Variants in SCHIP1 observed in about 807,000 individuals in gnomAD.
SCHIP1 encodes schwannomin interacting protein 1, also known as schwannomin-interacting protein 1.
In SCHIP1, 8 loss-of-function variants were observed where a neutral mutation model predicts 29.7. The ratio of observed to expected loss-of-function variants is 0.27; its 90% confidence interval spans 0.16 to 0.49. The LOEUF is 0.49. Among genes scored for constraint, SCHIP1 ranks in the 20% least tolerant of loss-of-function variants. The pLI is 0.99. For synonymous variants in SCHIP1, 76 were observed against 94.9 expected, an observed-to-expected ratio of 0.80 and a Z score of 1.16; for missense variants, 193 against 294.6, an observed-to-expected ratio of 0.66 and a Z score of 2.52.
chr3:159,825,317 C>A, the SCHIP1 span, among the ~76,000 whole-genome samples: 3 of 152,148 alleles, frequency 2.0e-5, no homozygotes, highest in Non-Finnish European at 4.4e-5. Context: ...TCAAGTGCAG[C>A]TGGCAGAGTC....
At chr3:159,484,247 T>C in the SCHIP1 span, among the ~76,000 whole-genome samples, 1 of 152,238 alleles carries the variant, frequency 6.6e-6, no homozygotes, top group Non-Finnish European at 1.5e-5. Context: ...AAACATTTAA[T>C]ACAAATGAAA....
intron 1 of SCHIP1, among the ~76,000 whole-genome samples, chr3:159,857,527 C>T (rs961497222): frequency 6.6e-6 from 1 of 152,124 alleles, no homozygotes; most frequent in African/African-American, 2.4e-5. Flanking sequence ...CTGTGCACAT[C>T]GTCTAATTCC....
the SCHIP1 span, among the ~76,000 whole-genome samples, chr3:159,652,568 G>A: frequency 6.6e-6 from 1 of 152,152 alleles, no homozygotes; most frequent in Non-Finnish European, 1.5e-5. Context: ...AAGCGGATAT[G>A]TAAACAAGAC....
chr3:159,389,667 CAG>C, the SCHIP1 span, among the ~76,000 whole-genome samples: 1 of 151,900 alleles, frequency 6.6e-6, no homozygotes, highest in Non-Finnish European at 1.5e-5. Context: ...AAGAATAAGA[CAG>C]AGAAATGTGA....
At chr3:159,686,843 A>T in the SCHIP1 span, among the ~76,000 whole-genome samples, 1 of 151,568 alleles carries the variant, frequency 6.6e-6, no homozygotes, top group Non-Finnish European at 1.5e-5. Context: ...CTTAGTAGGC[A>T]GTAACTTAGA....
At chr3:159,628,209 G>C in the SCHIP1 span, among the ~76,000 whole-genome samples, 1 of 152,248 alleles carries the variant, frequency 6.6e-6, no homozygotes, top group South Asian at 2.1e-4. Flanking sequence ...ACTTACACTA[G>C]AGACCTACAC....
chr3:159,481,886 C>G, the SCHIP1 span, among the ~76,000 whole-genome samples: 2 of 152,208 alleles, frequency 1.3e-5, no homozygotes, highest in East Asian at 3.9e-4. Context: ...CAGAGAATTT[C>G]AGAAAATCGG....
At chr3:159,483,556 A>T in the SCHIP1 span, among the ~76,000 whole-genome samples, 1 of 152,184 alleles carries the variant, frequency 6.6e-6, no homozygotes, top group Non-Finnish European at 1.5e-5. Flanking sequence ...AATACTTTTG[A>T]TTTGGAGATA....
the SCHIP1 span, among the ~76,000 whole-genome samples, chr3:159,292,149 C>T: frequency 6.6e-6 from 1 of 151,636 alleles, no homozygotes; most frequent in Non-Finnish European, 1.5e-5. Flanking sequence ...GTAAAATAAC[C>T]TGATATCTGG....
chr3:159,537,373 T>C, the SCHIP1 span, among the ~76,000 whole-genome samples: 85 of 152,188 alleles, frequency 5.6e-4, no homozygotes, highest in Non-Finnish European at 8.8e-5. Flanking sequence ...TCTCAGGGCC[T>C]CTGAGGATTA....
chr3:159,768,757 C>T, the SCHIP1 span: 1 of 152,372 alleles, frequency 6.6e-6, no homozygotes, highest in Non-Finnish European at 1.5e-5. Flanking sequence ...CAAGACAGAC[C>T]TCCAGCACCT....
At chr3:159,651,797 C>T in the SCHIP1 span, among the ~76,000 whole-genome samples, 3 of 152,186 alleles carry the variant, frequency 2.0e-5, no homozygotes, top group South Asian at 4.1e-4. Flanking sequence ...CAAAATATTA[C>T]CATAAGTATA....
At chr3:159,840,036 G>A in exon 1 of SCHIP1, 1 of 1,471,800 alleles carries the variant, frequency 6.8e-7, no homozygotes, top group Non-Finnish European at 8.9e-7. Context: ...TGCGCAGGTT[G>A]ATCAGCGAAA....
At chr3:159,381,662 C>A in the SCHIP1 span, among the ~76,000 whole-genome samples, 3 of 151,834 alleles carry the variant, frequency 2.0e-5, no homozygotes, top group Non-Finnish European at 4.4e-5. Flanking sequence ...GTGGCATGAT[C>A]TTGGCTCACT....
At chr3:159,713,117 T>G in the SCHIP1 span, among the ~76,000 whole-genome samples, 1 of 142,398 alleles carries the variant, frequency 7.0e-6, no homozygotes, top group Non-Finnish European at 1.5e-5. Flanking sequence ...ATCGAGCCAT[T>G]GCACTCCAGC....
At chr3:159,890,301 C>G (rs982587636) in intron 5 of SCHIP1, among the ~76,000 whole-genome samples, 2 of 152,114 alleles carry the variant, frequency 1.3e-5, no homozygotes, top group Non-Finnish European at 2.9e-5. Flanking sequence ...ACTGTTTTCT[C>G]TGCTTTTGTA....
the SCHIP1 span, among the ~76,000 whole-genome samples, chr3:159,438,306 G>A: frequency 6.6e-6 from 1 of 152,064 alleles, no homozygotes; most frequent in Admixed American, 6.6e-5. Context: ...TGGTTGAGAA[G>A]CTCTGATCAC....
chr3:159,725,700 C>T, the SCHIP1 span, among the ~76,000 whole-genome samples: 6 of 152,182 alleles, frequency 3.9e-5, no homozygotes, highest in African/African-American at 1.4e-4. Flanking sequence ...CTGTCTCTGC[C>T]ACAGGTACCA....
At chr3:159,461,742 G>A in the SCHIP1 span, among the ~76,000 whole-genome samples, 4 of 151,700 alleles carry the variant, frequency 2.6e-5, no homozygotes, top group Admixed American at 2.0e-4. Context: ...GAAACGGAAG[G>A]GGGGTCCTTT....
Sources: gnomAD v4.1 joint callset for allele counts (sites outside exome capture counted in the v4.1 genomes callset) on GRCh38, gnomAD v4.1.1 for gene constraint, MANE v1.5 for transcripts, NCBI Gene and HGNC (gene_info 2026-07-23, HGNC 2026-07-21) for gene names.